Variants in CLDN10 observed in about 807,000 individuals in gnomAD.
CLDN10 encodes the protein claudin 10, also known as claudin-10.
CLDN10 carries 15 observed loss-of-function variants against 22.9 expected under a neutral mutation model. The ratio of observed to expected loss-of-function variants is 0.65; its 90% confidence interval spans 0.44 to 1.01. The LOEUF is 1.01. CLDN10 is among the 50% of genes least tolerant of loss of function. The probability of loss-of-function intolerance (pLI) is 0.00; values close to 1 mark genes in which losing one functional copy is unlikely to be tolerated. For missense variants in CLDN10, 247 were observed against 287.8 expected (o/e 0.86, Z 1.03); for synonymous variants, 114 against 111.4 (o/e 1.02, Z -0.15).
chr13:95,447,500 C>T (rs571024832), intron 1 of CLDN10, among the ~76,000 whole-genome samples: 12 of 152,252 alleles, frequency 7.9e-5, no homozygotes, highest in African/African-American at 2.4e-4. Context: ...ATCTGTCTTA[C>T]GACGGTCCCA....
chr13:95,466,663 A>G (rs2042583719), intron 1 of CLDN10, among the ~76,000 whole-genome samples: 1 of 152,224 alleles, frequency 6.6e-6, no homozygotes, highest in Non-Finnish European at 1.5e-5. Context: ...TCTGTAATAG[A>G]CAAGAAAGGA....
At chr13:95,539,801 C>A (rs1210310630) in intron 1 of CLDN10, among the ~76,000 whole-genome samples, 2 of 152,164 alleles carry the variant, frequency 1.3e-5, no homozygotes, top group African/African-American at 4.8e-5. Flanking sequence ...AAATTTGCAA[C>A]ATCCCATAGA....
At chr13:95,516,892 A>T (rs1672474973) in intron 1 of CLDN10, among the ~76,000 whole-genome samples, 2 of 152,018 alleles carry the variant, frequency 1.3e-5, no homozygotes, top group African/African-American at 4.8e-5. Flanking sequence ...GGCGTATGAG[A>T]TGATCTGAAA....
At chr13:95,439,143 A>G (rs1253639724) in intron 1 of CLDN10, among the ~76,000 whole-genome samples, 1 of 152,116 alleles carries the variant, frequency 6.6e-6, no homozygotes, top group East Asian at 1.9e-4. Context: ...TAGTCCACTC[A>G]GGCTGCAATA....
At chr13:95,484,806 G>A (rs117087125) in intron 1 of CLDN10, among the ~76,000 whole-genome samples, 1 of 145,278 alleles carries the variant, frequency 6.9e-6, no homozygotes, top group Non-Finnish European at 1.5e-5. Context: ...GTGGAGGTTG[G>A]AATGAGCCAA....
chr13:95,475,937 T>C (rs1159593385), intron 1 of CLDN10, among the ~76,000 whole-genome samples: 2 of 151,822 alleles, frequency 1.3e-5, no homozygotes, highest in African/African-American at 2.4e-5. Flanking sequence ...TGACTTATGA[T>C]TGATGCTGCC....
At chr13:95,488,458 A>T (rs1259809312) in intron 1 of CLDN10, among the ~76,000 whole-genome samples, 1 of 151,920 alleles carries the variant, frequency 6.6e-6, no homozygotes, top group African/African-American at 2.4e-5. Context: ...ATTTTGGTGC[A>T]TCCATCACCC....
chr13:95,439,629 C>A (rs960913122), intron 1 of CLDN10, among the ~76,000 whole-genome samples: 6 of 151,334 alleles, frequency 4.0e-5, no homozygotes, highest in Non-Finnish European at 2.9e-5. Flanking sequence ...CCACCATGCC[C>A]AGCCTCTGGG....
At chr13:95,511,471 A>C (rs2138561177) in intron 1 of CLDN10, among the ~76,000 whole-genome samples, 1 of 152,178 alleles carries the variant, frequency 6.6e-6, no homozygotes, top group Non-Finnish European at 1.5e-5. Flanking sequence ...GATGTGAAGG[A>C]AACTGGTTTC....
chr13:95,493,971 A>G (rs904931488), intron 1 of CLDN10, among the ~76,000 whole-genome samples: 5 of 152,202 alleles, frequency 3.3e-5, no homozygotes, highest in African/African-American at 1.2e-4. Flanking sequence ...TACACATATC[A>G]TTTTCGCTCA....
chr13:95,455,637 C>A (rs1198977290), intron 1 of CLDN10, among the ~76,000 whole-genome samples: 1 of 152,116 alleles, frequency 6.6e-6, no homozygotes, highest in African/African-American at 2.4e-5. Context: ...CATGAAAGAA[C>A]TTATTTATTC....
chr13:95,493,558 CTTTTT>C (rs372832325), intron 1 of CLDN10, among the ~76,000 whole-genome samples: 10 of 132,258 alleles, frequency 7.6e-5, no homozygotes, highest in Non-Finnish European at 4.8e-5. Context: ...CCTACCCCCA[CTTTTT>C]TTTTTTTTTT....
intron 1 of CLDN10, among the ~76,000 whole-genome samples, chr13:95,506,791 G>C (rs915098474): frequency 6.6e-6 from 1 of 152,184 alleles, no homozygotes; most frequent in African/African-American, 2.4e-5. Context: ...CAAAAGGAAG[G>C]GGAGGGAAGA....
At chr13:95,472,323 C>A (rs2042641217) in intron 1 of CLDN10, among the ~76,000 whole-genome samples, 1 of 151,958 alleles carries the variant, frequency 6.6e-6, no homozygotes, top group African/African-American at 2.4e-5. Flanking sequence ...ATTCAAAAAC[C>A]AACAGACAAA....
At chr13:95,545,201 A>G (rs2043495894) in intron 1 of CLDN10, among the ~76,000 whole-genome samples, 1 of 152,150 alleles carries the variant, frequency 6.6e-6, no homozygotes, top group African/African-American at 2.4e-5. Context: ...TGTTATTCCA[A>G]TTGATATACT....
At chr13:95,506,472 T>G (rs1354159963) in intron 1 of CLDN10, among the ~76,000 whole-genome samples, 1 of 152,198 alleles carries the variant, frequency 6.6e-6, no homozygotes, top group East Asian at 1.9e-4. Context: ...TCTGATCTTT[T>G]TCATGCCCTC....
intron 1 of CLDN10, among the ~76,000 whole-genome samples, chr13:95,464,019 A>G (rs1372386174): frequency 6.6e-6 from 1 of 151,976 alleles, no homozygotes; most frequent in East Asian, 1.9e-4. Context: ...ACTTGGTATT[A>G]TGAAGCTGTC....
At position 95,542,331 on chromosome 13, in the gene CLDN10, G is replaced by A. The variant is rs553281082; in HGVS notation, c.215-17801G>A. On this transcript the variant is annotated intron_variant, in intron 1 of 4. Transcript: ENST00000376873. The stretch of plus-strand genomic sequence containing the variant: ...TCAGCAACCACAGGAGTTAGGGCAG[G>A]TGGAGGATGTGACAGCATTTAAACA... Among the ~76,000 whole-genome samples, 7 of 152,304 alleles carry A rather than the reference G, an allele frequency of 4.6e-5. No homozygotes were observed. The South Asian group carries it at 1.2e-3, about 27-fold the overall frequency.
intron 1 of CLDN10, among the ~76,000 whole-genome samples, chr13:95,453,816 T>C (rs934183620): frequency 6.6e-6 from 1 of 152,122 alleles, no homozygotes; most frequent in Non-Finnish European, 1.5e-5. Flanking sequence ...CTCTTCCCAC[T>C]TGAGATTCTA....
Sources: allele counts gnomAD v4.1 joint callset (sites outside exome capture counted in the v4.1 genomes callset), GRCh38; gene constraint gnomAD v4.1.1; transcripts MANE v1.5; gene names NCBI Gene and HGNC (gene_info 2026-07-23, HGNC 2026-07-21).